Variants in SLC38A6 observed in about 807,000 individuals in gnomAD.
SLC38A6 encodes solute carrier family 38 member 6.
Under a neutral mutation model 65.0 loss-of-function variants are expected in SLC38A6, and 73 were observed. That is an observed-to-expected ratio of 1.12 (90% confidence interval 0.93 to 1.37). The LOEUF is 1.37. Ranked by LOEUF, SLC38A6 falls within the 40% of genes most tolerant of loss-of-function variation. The pLI is 0.00. For missense variants in SLC38A6, 561 were observed against 531.1 expected (o/e 1.06, Z -0.55); for synonymous variants, 183 against 178.8 (o/e 1.02, Z -0.19).
chr14:61,043,287 T>C (rs936309396), intron 9 of SLC38A6, 75 bp downstream of exon 9: 1 of 1,162,576 alleles, frequency 8.6e-7, no homozygotes, highest in Non-Finnish European at 1.2e-6. Flanking sequence ...TAATGATTCT[T>C]TTCTGATTGA....
chr14:60,987,032 T>C, intron 3 of SLC38A6: 1 of 418,904 alleles, frequency 2.4e-6, no homozygotes, highest in Non-Finnish European at 4.7e-6. Context: ...TTCTTTTTTC[T>C]TTTTCTTTGA....
At chr14:61,069,255 G>A (rs185556931) in intron 15 of SLC38A6, among the ~76,000 whole-genome samples, 1 of 152,076 alleles carries the variant, frequency 6.6e-6, no homozygotes, top group African/African-American at 2.4e-5. Flanking sequence ...CTGTTCTCTG[G>A]TCTCCTTGGA....
chr14:61,043,404 T>G, intron 9 of SLC38A6, 46 bp from the exon 10 acceptor site: 1 of 1,422,612 alleles, frequency 7.0e-7, no homozygotes, highest in Non-Finnish European at 9.7e-7. Context: ...ATTCTGAAAT[T>G]TAATGGCTGT....
rs753141932 is a variant in SLC38A6 at position 61,046,038 on chromosome 14, A to G, written c.825-29A>G. The G allele has an allele frequency of 2.2e-6, 3 of 1,381,810 alleles. No individual in the cohort carries two copies. In the South Asian group the frequency reaches 3.6e-5, roughly 17 times the overall value. 85.6% of individuals were successfully genotyped at this position (1,381,810 alleles called of 1,614,324 possible). A position where few individuals can be genotyped will look rare whatever the true frequency, so the allele number is the denominator to read the frequency against. On this transcript the variant is annotated intron_variant, in intron 11 of 15. Coordinates refer to ENST00000267488, the MANE Select transcript of SLC38A6 (RefSeq NM_153811.3). ...TCTTTACATATAATTCAGATCACTT[A>G]TTCTACCTTTGTCATTTTTGTCTTT... is the stretch of plus-strand genomic sequence containing the variant.
chr14:61,022,016 C>A (rs1032213133), intron 5 of SLC38A6, among the ~76,000 whole-genome samples: 3 of 152,148 alleles, frequency 2.0e-5, no homozygotes, highest in Non-Finnish European at 4.4e-5. Flanking sequence ...CTTCAGTTCC[C>A]TCTTTGTTAA....
At chr14:61,010,757 C>T (rs1465545829) in intron 3 of SLC38A6, among the ~76,000 whole-genome samples, 2 of 152,144 alleles carry the variant, frequency 1.3e-5, no homozygotes, top group Admixed American at 1.3e-4. Flanking sequence ...TGTTTTGGTA[C>T]CAGTACCGTG....
chr14:61,044,751 A>G (rs1359456055), intron 10 of SLC38A6, among the ~76,000 whole-genome samples: 3 of 152,168 alleles, frequency 2.0e-5, no homozygotes, highest in Admixed American at 1.3e-4. Context: ...AAAACCTTAT[A>G]TTTGTATATT....
chr14:61,020,536 T>G (rs1164795376), intron 5 of SLC38A6, among the ~76,000 whole-genome samples: 1 of 152,166 alleles, frequency 6.6e-6, no homozygotes, highest in Non-Finnish European at 1.5e-5. Context: ...AAAATTGACA[T>G]TCCACCAGTG....
At chr14:61,001,124 C>T (rs1348588104) in intron 3 of SLC38A6, among the ~76,000 whole-genome samples, 2 of 152,098 alleles carry the variant, frequency 1.3e-5, no homozygotes, top group East Asian at 3.8e-4. Context: ...TCCCATGGGG[C>T]ATTTGGCAAT....
chr14:61,037,079 A>G lies in SLC38A6; in HGVS notation c.503A>G (p.Gln168Arg), dbSNP rs1343313077. 3 of 1,612,092 alleles carry G rather than the reference A, an allele frequency of 1.9e-6. No homozygotes were observed. Among genetic ancestry groups the G allele is most frequent in the African/African-American group, 2.7e-5 (2 of 74,802 alleles). ...AATAGATATTGGTATCTTGATGGAC[A>G]AACACTACTAATAATCATATGTGTT... ...DYSRYWYLDG[Q>R]TLLIIICVGI... The change falls in exon 7 of 16, where the codon CAA (glutamine) becomes CGA (arginine). Residue 168 changes from glutamine to arginine, a missense_variant. Gln to Arg is a conservative substitution (Grantham distance 43). Coordinates refer to ENST00000267488, the MANE Select transcript of SLC38A6 (RefSeq NM_153811.3).
intron 4 of SLC38A6, among the ~76,000 whole-genome samples, chr14:61,018,916 C>T (rs1199639769): frequency 1.3e-5 from 2 of 152,166 alleles, no homozygotes; most frequent in African/African-American, 2.4e-5. Context: ...TGAGTAGCAC[C>T]TGCCCCATTG....
intron 3 of SLC38A6, among the ~76,000 whole-genome samples, chr14:60,994,235 G>A (rs888887701): frequency 6.6e-6 from 1 of 152,180 alleles, no homozygotes; most frequent in Non-Finnish European, 1.5e-5. Flanking sequence ...TGTACAATGG[G>A]ATATTATTCA....
chr14:61,036,447 G>A (rs1324835130), intron 6 of SLC38A6, among the ~76,000 whole-genome samples: 1 of 151,020 alleles, frequency 6.6e-6, no homozygotes, highest in Non-Finnish European at 1.5e-5. Context: ...CTGTTGGTGG[G>A]TGGGGGCAAG....
chr14:61,057,874 T>G (rs929678820), intron 15 of SLC38A6, among the ~76,000 whole-genome samples: 21 of 131,796 alleles, frequency 1.6e-4, no homozygotes, highest in Admixed American at 1.2e-3. Context: ...GAGGAATGTA[T>G]CCATTTCTTC....
chr14:61,003,560 A>G (rs1566631252), intron 3 of SLC38A6, among the ~76,000 whole-genome samples: 1 of 152,202 alleles, frequency 6.6e-6, no homozygotes, highest in South Asian at 2.1e-4. Flanking sequence ...TCAACAGTCA[A>G]TACCAGTTTA....
In SLC38A6 at chr14:61,051,892, A is replaced by G. The variant is rs771317453; in HGVS notation, c.1156A>G (p.Ile386Val). 8 of 1,612,056 alleles carry G rather than the reference A, an allele frequency of 5.0e-6. No homozygotes were observed. In the Admixed American group the frequency reaches 1.2e-4, roughly 24 times the overall value. Residue 386 changes from isoleucine (I) to valine (V), a missense_variant, in exon 14 of 16, where the codon ATA becomes GTA. Transcript: ENST00000267488. ...CAATATTATCATCGTTTTACTTGCA[A>G]TATATGTTCCTGACATTAGAAATGT... The part of the protein sequence containing the change: ...ALNIIIVLLA[I>V]YVPDIRNVFG...
Position 61,037,617 on chromosome 14 carries a change from T to A in SLC38A6, c.566-8T>A, listed in dbSNP as rs371711031. On this transcript the variant is annotated splice_region_variant and splice_polypyrimidine_tract_variant and intron_variant, in intron 7 of 15. Transcript: ENST00000267488. ...TAAATTGCTTTTTATTTTACTGTTA[T>A]TTTACAGGCTTTCTTGGCTACACAA... The A allele has an allele frequency of 4.2e-4, 661 of 1,578,014 alleles. 10 individuals are homozygous for A. The South Asian group carries it at 5.6e-3, about 13-fold the overall frequency.
chr14:61,003,918 T>C (rs780372834), intron 3 of SLC38A6, among the ~76,000 whole-genome samples: 41 of 152,236 alleles, frequency 2.7e-4, no homozygotes, highest in South Asian at 6.2e-4. Context: ...TCAGTCTCCA[T>C]TTAAGAGCCT....
chr14:61,076,854 G>A (rs2139989430), intron 15 of SLC38A6, among the ~76,000 whole-genome samples: 1 of 152,322 alleles, frequency 6.6e-6, no homozygotes, highest in East Asian at 1.9e-4. Flanking sequence ...TTCAAGTAGA[G>A]CAGGGATGTG....
Sources: allele counts gnomAD v4.1 joint callset (sites outside exome capture counted in the v4.1 genomes callset), GRCh38; gene constraint gnomAD v4.1.1; transcripts MANE v1.5; gene names NCBI Gene and HGNC (gene_info 2026-07-23, HGNC 2026-07-21).